Variants in TMEM183A observed in about 807,000 individuals in gnomAD.
TMEM183A encodes the protein transmembrane protein 183A, also known as chromosome 1 open reading frame 37.
In TMEM183A, 21 loss-of-function variants were observed where a neutral mutation model predicts 46.7. The ratio of observed to expected loss-of-function variants is 0.45; its 90% CI spans 0.32 to 0.65. The LOEUF is 0.65. TMEM183A is among the 30% of genes least tolerant of loss of function. TMEM183A has a pLI of 0.04. For synonymous variants in TMEM183A, 165 were observed against 180.2 expected, an observed-to-expected ratio of 0.92 and a Z score of 0.68; for missense variants, 331 against 481.9, an observed-to-expected ratio of 0.69 and a Z score of 2.93.
rs201456342 is a variant in TMEM183A at position 203,015,917 on chromosome 1, G to C, written c.528-43G>C. ...CTTAGAAAACTGACCTAGAGCAGGA[G>C]AGACAGGTCACATATTGGTAGGAGT... On this transcript the variant is annotated intron_variant, in intron 4 of 7. Coordinates refer to ENST00000367242, the MANE Select transcript of TMEM183A (RefSeq NM_138391.6). 2.3e-5 allele frequency: 36 copies of C among 1,596,862 alleles called. No homozygotes were observed. In the East Asian group the frequency reaches 7.8e-4, roughly 35 times the overall value.
chr1:203,015,261 C>G, intron 4 of TMEM183A: 1 of 664,982 alleles, frequency 1.5e-6, no homozygotes, highest in Non-Finnish European at 2.4e-6. Context: ...GCCTCCTTCC[C>G]CACTCCAGTA....
chr1:203,017,901 A>G, intron 5 of TMEM183A: 1 of 986,210 alleles, frequency 1.0e-6, no homozygotes, highest in Non-Finnish European at 1.2e-6. Flanking sequence ...CGGACGACCC[A>G]CCCCTTATCC....
At chr1:203,022,718 A>C in intron 7 of TMEM183A, 137 bp from the exon 8 acceptor site, 5 of 1,017,876 alleles carry the variant, frequency 4.9e-6, no homozygotes, top group Non-Finnish European at 7.1e-6. Flanking sequence ...AAAAAAAAAA[A>C]GGTGTTTGTT....
rs1164209762 is a variant in TMEM183A at position 203,007,831 on chromosome 1, A to G, written c.167A>G (p.Lys56Arg). The change falls in exon 2 of 8, where the codon AAG (lysine) becomes AGG (arginine). Residue 56 changes from lysine (K) to arginine (R), a missense_variant. Coordinates refer to ENST00000367242, the MANE Select transcript of TMEM183A (RefSeq NM_138391.6). ...GCGGTCGTGAGGTCTGGACGAGTCA[A>G]GAAAGCCGTAGCCAACGCTGTTCAG... ...DPAVVRSGRV[K>R]KAVANAVQQE... 2 of 1,614,070 alleles carry G rather than the reference A, an allele frequency of 1.2e-6. No homozygotes were observed. The highest frequency in any genetic ancestry group is 8.5e-7 in the Non-Finnish European group (1 of 1,179,902).
chr1:203,012,594 A>G (rs945315374), intron 3 of TMEM183A, among the ~76,000 whole-genome samples: 8 of 152,210 alleles, frequency 5.3e-5, no homozygotes, highest in Admixed American at 2.6e-4. Context: ...AGCTCTTAAT[A>G]ATTATGTATA....
chr1:203,017,702 C>G, intron 5 of TMEM183A: 1 of 984,264 alleles, frequency 1.0e-6, no homozygotes, highest in African/African-American at 1.7e-5. Context: ...GAAGTTGTCC[C>G]ATGTTTCTGG....
At position 203,023,217 on chromosome 1, in the gene TMEM183A, G is replaced by A; in HGVS notation, c.*177G>A. 5.3e-6 allele frequency: 3 copies of A among 568,190 alleles called. No individual in the cohort carries two copies. The highest frequency in any genetic ancestry group is 8.5e-6 in the Non-Finnish European group (3 of 353,600). 35.2% of individuals were successfully genotyped at this position (568,190 alleles called of 1,614,324 possible). A position where few individuals can be genotyped will look rare whatever the true frequency, so the allele number is the denominator to read the frequency against. On this transcript the variant is annotated 3_prime_UTR_variant, in exon 8 of 8. Coordinates refer to ENST00000367242, the MANE Select transcript of TMEM183A (RefSeq NM_138391.6). ...AATCAAGAGGGAAAACAACTACTAT[G>A]ATTTATAAACATATTTTAATGTAAA...
Position 203,016,146 on chromosome 1 carries a change from T to C in TMEM183A, c.708+6T>C, listed in dbSNP as rs760828714. ...GCACATTAAAGAATTCCAAAGTAAG[T>C]GAGAATTTGTGTTGGGGTTTGACTA... is the stretch of plus-strand genomic sequence containing the variant. On this transcript the variant is annotated splice_donor_region_variant and intron_variant, in intron 5 of 7. Coordinates refer to ENST00000367242, the MANE Select transcript of TMEM183A (RefSeq NM_138391.6). 2.5e-5 allele frequency: 41 copies of C among 1,614,010 alleles called. No individual in the cohort carries two copies. The highest frequency in any genetic ancestry group is 3.4e-5 in the Non-Finnish European group (40 of 1,179,966).
intron 7 of TMEM183A, 84 bp downstream of exon 7, chr1:203,021,032 T>A: frequency 7.3e-7 from 1 of 1,365,108 alleles, no homozygotes; most frequent in Non-Finnish European, 9.7e-7. Flanking sequence ...CAGCTCTTTT[T>A]TTTTTTTTTT....
intron 4 of TMEM183A, 70 bp from the exon 5 acceptor site, chr1:203,015,890 G>A (rs1365651719): frequency 3.8e-6 from 6 of 1,560,152 alleles, no homozygotes; most frequent in Non-Finnish European, 5.2e-6. Context: ...GAGACCAGGA[G>A]TCTTAGAAAA....
At chr1:203,010,689 C>T (rs2102536842) in intron 3 of TMEM183A, among the ~76,000 whole-genome samples, 1 of 152,308 alleles carries the variant, frequency 6.6e-6, no homozygotes, top group East Asian at 1.9e-4. Context: ...CACAGAATGG[C>T]TTTGACTTAA....
At chr1:203,008,558 G>A in intron 2 of TMEM183A, 85 bp from the exon 3 acceptor site, 1 of 1,200,696 alleles carries the variant, frequency 8.3e-7, no homozygotes. Flanking sequence ...CCCCTTTCCT[G>A]AATGGATGCT....
intron 2 of TMEM183A, 97 bp from the exon 3 acceptor site, chr1:203,008,545 TC>T (rs397747911): frequency 9.1e-7 from 1 of 1,097,536 alleles, no homozygotes. Flanking sequence ...ATGTTTTTTT[TC>T]CCCCCTTTCC....
At position 203,020,870 on chromosome 1, in the gene TMEM183A, C is replaced by T; in HGVS notation, c.867C>T (p.Asp289=). Residue 289 remains aspartate (D), a synonymous_variant, in exon 7 of 8, where the codon GAC becomes GAT. Coordinates refer to ENST00000367242, the MANE Select transcript of TMEM183A (RefSeq NM_138391.6). ...ACGAAGATGTTCATACCAATCCAGA[C>T]CAGGACTGCTGCCTACTGCAGGTCA... is the stretch of plus-strand genomic sequence containing the variant. ...VQYEDVHTNP[D]QDCCLLQVTT... The T allele has an allele frequency of 1.9e-6, 3 of 1,613,986 alleles. No homozygotes were observed. The South Asian group carries it at 3.3e-5, about 18-fold the overall frequency.
intron 6 of TMEM183A, among the ~76,000 whole-genome samples, chr1:203,020,447 T>G (rs1032168666): frequency 1.6e-4 from 24 of 152,192 alleles, no homozygotes; most frequent in Admixed American, 1.6e-3. Context: ...CCATCCCTTT[T>G]GTGCAGCAGA....
intron 7 of TMEM183A, 115 bp from the exon 8 acceptor site, chr1:203,022,740 A>C: frequency 1.4e-5 from 17 of 1,208,408 alleles, no homozygotes; most frequent in Non-Finnish European, 1.9e-5. Context: ...TATAATTTAG[A>C]GATTAATCTT....
At chr1:203,007,923 T>C in intron 2 of TMEM183A, 60 bp downstream of exon 2, 1 of 1,592,362 alleles carries the variant, frequency 6.3e-7, no homozygotes, top group Non-Finnish European at 8.6e-7. Context: ...GGTATTTTAT[T>C]TCTGTTTTTC....
At position 203,017,364 on chromosome 1, in the gene TMEM183A, T is replaced by C. The variant is rs2102559480; in HGVS notation, c.709-1117T>C. On this transcript the variant is annotated intron_variant, in intron 5 of 7. Transcript: ENST00000367242. ...TCAATTGCTGGGGGCAGAGCAGCAT[T>C]GGGCAAACTCCTCATGCTTGACACA... Among the ~76,000 whole-genome samples, 2 of 152,292 alleles carry C rather than the reference T, an allele frequency of 1.3e-5. 1 individual carries two copies. The highest frequency in any genetic ancestry group is 4.2e-4 in the South Asian group (2 of 4,816).
chr1:203,024,093 A>T lies in TMEM183A; in HGVS notation c.*1053A>T, dbSNP rs1048283083. ...TCCTTGAACTGTTAGAAGGGCATTT[A>T]TTAGGCTAAAACGTCATTAACAAAA... On this transcript the variant is annotated 3_prime_UTR_variant, in exon 8 of 8. Coordinates refer to ENST00000367242, the MANE Select transcript of TMEM183A (RefSeq NM_138391.6). 6.6e-6 allele frequency: 1 copy of T among 152,222 alleles called. No individual in the cohort carries two copies. The highest frequency in any genetic ancestry group is 1.5e-5 in the Non-Finnish European group (1 of 68,048). 9.4% of individuals were successfully genotyped at this position (152,222 alleles called of 1,614,324 possible). A position where few individuals can be genotyped will look rare whatever the true frequency, so the allele number is the denominator to read the frequency against.
Sources: gnomAD v4.1 joint callset for allele counts (sites outside exome capture counted in the v4.1 genomes callset) on GRCh38, gnomAD v4.1.1 for gene constraint, MANE v1.5 for transcripts, NCBI Gene and HGNC (gene_info 2026-07-23, HGNC 2026-07-21) for gene names.